Variants in HS1BP3 observed in about 807,000 individuals in gnomAD.
HS1BP3 encodes HCLS1 binding protein 3.
HS1BP3 carries 32 observed loss-of-function variants against 33.5 expected under a neutral mutation model. The observed-to-expected ratio is 0.95, with a 90% CI of 0.72 to 1.28. The LOEUF (loss-of-function observed/expected upper bound fraction) is 1.28, where lower values mean the gene tolerates loss of function less well. Ranked by LOEUF, HS1BP3 falls within the 50% of genes most tolerant of loss-of-function variation. The pLI, the probability that HS1BP3 is intolerant of heterozygous loss-of-function variation, is 0.00. For synonymous variants in HS1BP3, 187 were observed against 209.2 expected (o/e 0.89, Z 0.92); for missense variants, 486 against 502.3 (o/e 0.97, Z 0.31).
chr2:20,596,407 G>A (rs1465253139), intron 3 of HS1BP3, among the ~76,000 whole-genome samples: 1 of 152,094 alleles, frequency 6.6e-6, no homozygotes, highest in African/African-American at 2.4e-5. Context: ...AGGTCATGAG[G>A]GTAAAGCTCT....
downstream of HS1BP3, among the ~76,000 whole-genome samples, chr2:20,558,142 C>T (rs1031594732): frequency 1.3e-5 from 2 of 152,148 alleles, no homozygotes; most frequent in African/African-American, 4.8e-5. Flanking sequence ...CACCAGCAGC[C>T]AGGGATGGGG....
intron 5 of HS1BP3, among the ~76,000 whole-genome samples, chr2:20,564,011 G>C (rs1693065267): frequency 6.6e-6 from 1 of 152,196 alleles, no homozygotes; most frequent in Admixed American, 6.5e-5. Flanking sequence ...AATCAGCTGG[G>C]AGGAGAGCCA....
intron 2 of HS1BP3, among the ~76,000 whole-genome samples, chr2:20,599,521 T>A (rs1694021783): frequency 6.6e-6 from 1 of 151,856 alleles, no homozygotes; most frequent in Admixed American, 6.6e-5. Context: ...CAGGCTGGGA[T>A]TGTGGACAGA....
Position 20,595,791 on chromosome 2 carries a change from G to A in HS1BP3, c.*12+2417C>T, listed in dbSNP as rs570039353. On this transcript the variant is annotated intron_variant, in intron 3 of 3. Coordinates refer to the HS1BP3 transcript ENST00000415264. ...CCTGCTGGGCAGGGAAGTGGGCAGAGGTGATGGTCACGTCCATCCATCACG... is the reference window on the plus strand; with the variant it reads ...CCTGCTGGGCAGGGAAGTGGGCAGAAGTGATGGTCACGTCCATCCATCACG... 5.3e-5 allele frequency among the ~76,000 whole-genome samples: 8 copies of A among 152,338 alleles called. No homozygotes were observed. The South Asian group carries it at 1.4e-3, about 28-fold the overall frequency.
chr2:20,613,925 G>C (rs67364128), downstream of HS1BP3, among the ~76,000 whole-genome samples: 36,946 of 152,242 alleles, frequency 0.24, 5,329 homozygotes, highest in Non-Finnish European at 0.33. Flanking sequence ...CCACAAGGAC[G>C]CTGTGAAGGT....
At chr2:20,582,062 G>T (rs28529647) in intron 5 of HS1BP3, among the ~76,000 whole-genome samples, 6,447 of 152,240 alleles carry the variant, frequency 0.042, 436 homozygotes, top group African/African-American at 0.14. Flanking sequence ...CTGATTTGGG[G>T]CCTCAATTAC....
At chr2:20,615,280 C>T (rs17719114), downstream of HS1BP3, among the ~76,000 whole-genome samples, 36,012 of 152,168 alleles carry the variant, frequency 0.24, 5,052 homozygotes, top group Non-Finnish European at 0.32. Flanking sequence ...GAACCCTGGC[C>T]GTTTGTGCCC....
chr2:20,570,977 G>C (rs150131645), intron 5 of HS1BP3, among the ~76,000 whole-genome samples: 4,118 of 152,250 alleles, frequency 0.027, 55 homozygotes, highest in Non-Finnish European at 0.031. Context: ...AGCCAGGAGA[G>C]GGCTGGGAAG....
intron 4 of HS1BP3, 28 bp downstream of exon 4, chr2:20,638,408 G>A (rs1340911491): frequency 6.3e-7 from 1 of 1,598,700 alleles, no homozygotes; most frequent in East Asian, 2.2e-5. Flanking sequence ...ATACACCAAA[G>A]GGGCCCTCTC....
At chr2:20,613,784 C>T (rs534496878), downstream of HS1BP3, among the ~76,000 whole-genome samples, 75 of 152,334 alleles carry the variant, frequency 4.9e-4, 1 homozygote, top group African/African-American at 1.8e-3. Flanking sequence ...CTGAAACACA[C>T]AGAGTACACA....
chr2:20,580,815 C>T (rs1693515574), intron 5 of HS1BP3, among the ~76,000 whole-genome samples: 1 of 152,122 alleles, frequency 6.6e-6, no homozygotes, highest in Non-Finnish European at 1.5e-5. Context: ...AAGTAAACAC[C>T]CAGGCAGACA....
intron 5 of HS1BP3, among the ~76,000 whole-genome samples, chr2:20,586,839 T>C (rs1031507774): frequency 2.0e-5 from 3 of 152,184 alleles, no homozygotes; most frequent in Non-Finnish European, 4.4e-5. Context: ...GTATGAACAT[T>C]TGCGTTTCGT....
chr2:20,622,662 C>T, intron 6 of HS1BP3: 1 of 238,518 alleles, frequency 4.2e-6, no homozygotes, highest in Non-Finnish European at 8.7e-6. Flanking sequence ...AGAAAGGTCC[C>T]ACGAGAGCCA....
chr2:20,618,716 A>C lies in HS1BP3; in HGVS notation c.*271T>G. The C allele has an allele frequency of 1.4e-5, 17 of 1,254,538 alleles. No homozygotes were observed. The highest frequency in any genetic ancestry group is 1.0e-4 in the East Asian group (3 of 29,732). 77.7% of individuals were successfully genotyped at this position (1,254,538 alleles called of 1,614,324 possible). A position where few individuals can be genotyped will look rare whatever the true frequency, so the allele number is the denominator to read the frequency against. ...GGCTTCTGGTTGGCAAGGCATCCCC[A>C]CACCCTCCCTCCCCTTCATGTCCAC... On this transcript the variant is annotated 3_prime_UTR_variant, in exon 7 of 7. Transcript: ENST00000304031.
chr2:20,624,601 G>A (rs1694711442), intron 5 of HS1BP3, 131 bp downstream of exon 5: 1 of 848,142 alleles, frequency 1.2e-6, no homozygotes, highest in South Asian at 2.0e-5. Flanking sequence ...ACAAAGCTGA[G>A]TCTATATCAC....
At chr2:20,566,874 T>C (rs995837982) in intron 5 of HS1BP3, among the ~76,000 whole-genome samples, 5 of 152,164 alleles carry the variant, frequency 3.3e-5, no homozygotes, top group African/African-American at 1.2e-4. Flanking sequence ...CCCAAAGTGC[T>C]GGGATCACAG....
chr2:20,576,372 C>A (rs1693400278), intron 5 of HS1BP3, among the ~76,000 whole-genome samples: 1 of 152,204 alleles, frequency 6.6e-6, no homozygotes, highest in Non-Finnish European at 1.5e-5. Context: ...CCTCAGAGAA[C>A]CAGCTGGAAC....
At chr2:20,602,706 C>T (rs1694096928) in intron 2 of HS1BP3, among the ~76,000 whole-genome samples, 1 of 152,112 alleles carries the variant, frequency 6.6e-6, no homozygotes, top group African/African-American at 2.4e-5. Context: ...AAAGCACAAG[C>T]CCATGAGGAA....
downstream of HS1BP3, among the ~76,000 whole-genome samples, chr2:20,615,242 G>A (rs1694399453): frequency 6.6e-6 from 1 of 152,250 alleles, no homozygotes; most frequent in Non-Finnish European, 1.5e-5. Flanking sequence ...TGTGGGGTGA[G>A]GGGATATCAC....
Sources: allele counts gnomAD v4.1 joint callset (sites outside exome capture counted in the v4.1 genomes callset), GRCh38; gene constraint gnomAD v4.1.1; transcripts MANE v1.5; gene names NCBI Gene and HGNC (gene_info 2026-07-23, HGNC 2026-07-21).